The following SLC25A14 variants were observed in gnomAD, a reference collection of about 807,000 sequenced individuals.
The protein encoded by SLC25A14 is brain mitochondrial carrier protein 1.
In SLC25A14, 8 loss-of-function variants were observed where a neutral mutation model predicts 28.1. The ratio of observed to expected loss-of-function variants is 0.28; its 90% CI spans 0.17 to 0.51. The LOEUF is 0.51. Ranked by LOEUF, SLC25A14 falls within the 20% of genes least tolerant of loss-of-function variation. SLC25A14 has a pLI of 0.97. For missense variants in SLC25A14, 135 were observed against 263.8 expected (o/e 0.51, Z 3.38); for synonymous variants, 74 against 90.6 (o/e 0.82, Z 1.04).
Position 130,346,685 on chromosome X carries a change from A to G in SLC25A14, c.311A>G (p.Tyr104Cys). ...ICKEEGVLAL[Y>C]SGIAPALLRQ... ...AAAGAGGAAGGTGTATTGGCTCTCT[A>G]TTCAGGGTGAGACTGGTTCTTTCCT... The change falls in exon 4 of 11, where the codon TAT becomes TGT. Residue 104 changes from tyrosine to cysteine, a missense_variant. Coordinates refer to ENST00000545805, the MANE Select transcript of SLC25A14 (RefSeq NM_001282195.2). 8.3e-7 allele frequency: 1 copy of G among 1,203,314 alleles called. No homozygotes were observed. The highest frequency in any genetic ancestry group is 1.1e-6 in the Non-Finnish European group (1 of 888,948).
At chrX:130,359,214 ATGGTGG>A in intron 7 of SLC25A14, 1 of 303,223 alleles carries the variant, frequency 3.3e-6, no homozygotes, top group Non-Finnish European at 6.4e-6. Context: ...TTAGCCAGGC[ATGGTGG>A]TGCATGGCTG....
At chrX:130,362,193 G>T (rs1164563041) in intron 7 of SLC25A14, among the ~76,000 whole-genome samples, 1 of 108,261 alleles carries the variant, frequency 9.2e-6, no homozygotes, top group Non-Finnish European at 1.9e-5. Context: ...CTGGAGTGCA[G>T]TGGCGCGATC....
At chrX:130,346,444 ACTTTGT>A (rs2033441689) in intron 3 of SLC25A14, 94 bp from the exon 4 acceptor site, 2 of 675,591 alleles carry the variant, frequency 3.0e-6, no homozygotes. Context: ...TATAAAAAGG[ACTTTGT>A]CTTAGGATTC....
At chrX:130,354,095 C>CT (rs747971751) in intron 6 of SLC25A14, among the ~76,000 whole-genome samples, 3,070 of 96,995 alleles carry the variant, frequency 0.032, 119 homozygotes, top group African/African-American at 0.1. Context: ...CTTTTTCATT[C>CT]TTTTTTTTTT....
chrX:130,361,154 T>C (rs1470273179), intron 7 of SLC25A14, among the ~76,000 whole-genome samples: 1 of 112,750 alleles, frequency 8.9e-6, no homozygotes, highest in Non-Finnish European at 1.9e-5. Context: ...TGTATGTATA[T>C]ACCACATTTT....
rs1336158881 is a variant in SLC25A14 at position 130,370,270 on chromosome X, G to A, written c.856-1294G>A. 2.7e-5 allele frequency among the ~76,000 whole-genome samples: 3 copies of A among 112,055 alleles called. No homozygotes were observed. In the East Asian group the frequency reaches 8.3e-4, roughly 31 times the overall value. ...TATCTCTAGTATACTTAATGTACAG[G>A]ATGGGAAAAAGAATATTTACAACTC... On this transcript the variant is annotated intron_variant, in intron 9 of 10. Coordinates refer to ENST00000545805, the MANE Select transcript of SLC25A14 (RefSeq NM_001282195.2).
At chrX:130,358,515 T>C in intron 6 of SLC25A14, 125 bp from the exon 7 acceptor site, 1 of 439,545 alleles carries the variant, frequency 2.3e-6, no homozygotes, top group East Asian at 3.8e-5. Flanking sequence ...GATATTTTTC[T>C]GGGATTCCTG....
intron 9 of SLC25A14, among the ~76,000 whole-genome samples, chrX:130,369,402 A>G (rs1315328600): frequency 2.7e-5 from 3 of 112,641 alleles, no homozygotes; most frequent in Admixed American, 9.4e-5. Context: ...ACACTGTGTT[A>G]GGTGGTGGTG....
At position 130,373,156 on chromosome X, in the gene SLC25A14, A is replaced by C; in HGVS notation, c.*206A>C. 2.7e-6 allele frequency: 1 copy of C among 374,066 alleles called. No homozygotes were observed. The highest frequency in any genetic ancestry group is 4.7e-5 in the East Asian group (1 of 21,078). 30.8% of individuals were successfully genotyped at this position (374,066 alleles called of 1,213,427 possible). On this transcript the variant is annotated 3_prime_UTR_variant, in exon 11 of 11. Coordinates refer to ENST00000545805, the MANE Select transcript of SLC25A14 (RefSeq NM_001282195.2). Reference sequence around the variant, plus strand: ...AACTTTTCCCCGAGAGAAAGTGTTAACATTGAGACTCTGGCCCCAGATTGG... The same window carrying C: ...AACTTTTCCCCGAGAGAAAGTGTTACCATTGAGACTCTGGCCCCAGATTGG...
chrX:130,365,689 T>C lies in SLC25A14; in HGVS notation c.855+13T>C, dbSNP rs774964477. ...TGGTATTTTAAAGGTAAGTACATTG[T>C]GGATTTGGGTTACAATTTGGCTTTC... is the stretch of plus-strand genomic sequence containing the variant. On this transcript the variant is annotated intron_variant, in intron 9 of 10. Coordinates refer to ENST00000545805, the MANE Select transcript of SLC25A14 (RefSeq NM_001282195.2). 5.1e-6 allele frequency: 6 copies of C among 1,174,284 alleles called. No individual in the cohort carries two copies. The Middle Eastern group carries it at 7.0e-4, about 137-fold the overall frequency.
chrX:130,366,534 T>G (rs780377991), intron 9 of SLC25A14, among the ~76,000 whole-genome samples: 2 of 112,267 alleles, frequency 1.8e-5, no homozygotes, highest in East Asian at 5.6e-4. Flanking sequence ...TGCCTAAGGT[T>G]TCACAGCTAC....
chrX:130,372,395 A>AT (rs1357488260), intron 10 of SLC25A14, among the ~76,000 whole-genome samples: 1 of 111,338 alleles, frequency 9.0e-6, no homozygotes, highest in Non-Finnish European at 1.9e-5. Context: ...AGTGATCTGA[A>AT]TGGGCACATG....
At chrX:130,360,757 G>C (rs1055176557) in intron 7 of SLC25A14, among the ~76,000 whole-genome samples, 5 of 111,852 alleles carry the variant, frequency 4.5e-5, no homozygotes, top group Non-Finnish European at 9.4e-5. Context: ...TTTCACAGGA[G>C]CATAGCTACT....
chrX:130,344,988 A>G (rs1314714990), intron 2 of SLC25A14, among the ~76,000 whole-genome samples, 194 bp from the exon 3 acceptor site: 1 of 111,579 alleles, frequency 9.0e-6, no homozygotes, highest in East Asian at 2.8e-4. Context: ...ACCCCTACAA[A>G]ATGTCAGTAA....
In SLC25A14 at chrX:130,346,486, G is replaced by T. The variant is rs1350826553; in HGVS notation, c.170-58G>T. 6 of 1,022,247 alleles carry T rather than the reference G, an allele frequency of 5.9e-6. No individual in the cohort carries two copies. The African/African-American group carries it at 1.1e-4, about 19-fold the overall frequency. 84.2% of individuals were successfully genotyped at this position (1,022,247 alleles called of 1,213,427 possible). ...AAATATTGTCCTTGGCTTATATTTA[G>T]CAACAACTTAACTGTGATTCTTTGG... On this transcript the variant is annotated intron_variant, in intron 3 of 10. Coordinates refer to ENST00000545805, the MANE Select transcript of SLC25A14 (RefSeq NM_001282195.2).
At position 130,340,300 on chromosome X, in the gene SLC25A14, A is replaced by G. The variant is rs868768898; in HGVS notation, c.22A>G (p.Ile8Val). 1.7e-6 allele frequency: 2 copies of G among 1,210,629 alleles called. No individual in the cohort carries two copies. The highest frequency in any genetic ancestry group is 2.2e-6 in the Non-Finnish European group (2 of 894,736). Residue 8 changes from isoleucine to valine, a missense_variant, in exon 2 of 11, where the codon ATC becomes GTC. Physicochemically the swap from Ile to Val is conservative, Grantham distance 29. Coordinates refer to ENST00000545805, the MANE Select transcript of SLC25A14 (RefSeq NM_001282195.2). MGIFPGI[I>V]LIFLRVKFAT... The stretch of plus-strand genomic sequence containing the variant: ...GTGAATGGGTATCTTTCCCGGAATA[A>G]TCCTAATTTTTCTAAGGGTGAAGTT...
intron 7 of SLC25A14, among the ~76,000 whole-genome samples, chrX:130,363,123 G>A (rs2034020129): frequency 1.8e-5 from 2 of 112,173 alleles, no homozygotes; most frequent in African/African-American, 6.5e-5. Flanking sequence ...ACAGATTAGT[G>A]CAGCCATTAC....
chrX:130,358,026 T>C (rs892773603), intron 6 of SLC25A14, among the ~76,000 whole-genome samples: 4 of 112,298 alleles, frequency 3.6e-5, no homozygotes, highest in Admixed American at 9.5e-5. Flanking sequence ...TGCTTACTTG[T>C]AGCCTCACCA....
At chrX:130,361,753 C>T (rs886067466) in intron 7 of SLC25A14, among the ~76,000 whole-genome samples, 1 of 112,199 alleles carries the variant, frequency 8.9e-6, no homozygotes, top group African/African-American at 3.2e-5. Flanking sequence ...TCCTTAGCTC[C>T]AGCCCATTGC....
Sources: allele counts gnomAD v4.1 joint callset (sites outside exome capture counted in the v4.1 genomes callset), GRCh38; gene constraint gnomAD v4.1.1; transcripts MANE v1.5; gene names NCBI Gene and HGNC (gene_info 2026-07-23, HGNC 2026-07-21).